The following SLC16A6 variants were observed in gnomAD, a reference collection of about 807,000 sequenced individuals.
SLC16A6 encodes solute carrier family 16 member 6, also known as monocarboxylate transporter 7.
SLC16A6 carries 15 observed loss-of-function variants against 33.8 expected under a neutral mutation model. That is an observed-to-expected ratio of 0.44 (90% CI 0.30 to 0.68). The LOEUF (loss-of-function observed/expected upper bound fraction) is 0.68. Ranked by LOEUF, SLC16A6 falls within the 30% of genes least tolerant of loss-of-function variation. The pLI, the probability that SLC16A6 is intolerant of heterozygous loss-of-function variation, is 0.10. For synonymous variants in SLC16A6, 219 were observed against 248.4 expected (o/e 0.88, Z 1.11); for missense variants, 451 against 661.5 (o/e 0.68, Z 3.49).
In SLC16A6 at chr17:68,286,168, C is replaced by A. The variant is rs927505929; in HGVS notation, c.-8+4918G>T. On this transcript the variant is annotated intron_variant, in intron 1 of 5. Transcript: ENST00000580666. ...TTTTTGTATGAGCTGAGATTACCTGCCATCATGAGAAGGCTCTGTCTGGCC... is the reference window on the plus strand; with the variant it reads ...TTTTTGTATGAGCTGAGATTACCTGACATCATGAGAAGGCTCTGTCTGGCC... Among the ~76,000 whole-genome samples the A allele has an allele frequency of 5.9e-5, 9 of 152,270 alleles. No individual in the cohort carries two copies. The South Asian group carries it at 8.3e-4, about 14-fold the overall frequency.
At chr17:68,284,608 G>C (rs1249604412) in intron 1 of SLC16A6, among the ~76,000 whole-genome samples, 1 of 152,086 alleles carries the variant, frequency 6.6e-6, no homozygotes, top group African/African-American at 2.4e-5. Flanking sequence ...CTATCCAACA[G>C]ACTTGCTGGT....
chr17:68,288,025 CTCAG>C (rs2075882730), intron 1 of SLC16A6, among the ~76,000 whole-genome samples: 1 of 142,426 alleles, frequency 7.0e-6, no homozygotes, highest in Non-Finnish European at 1.5e-5. Context: ...GGGATGGAGT[CTCAG>C]TCTGTCTCCC....
At position 68,270,868 on chromosome 17, in the gene SLC16A6, A is replaced by G. The variant is rs1305647490; in HGVS notation, c.1292T>C (p.Ile431Thr). The G allele has an allele frequency of 3.1e-6, 5 of 1,613,864 alleles. No homozygotes were observed. The African/African-American group carries it at 5.3e-5, about 17-fold the overall frequency. The change falls in exon 5 of 6, where the codon ATA becomes ACA. Residue 431 changes from isoleucine (I) to threonine (T), a missense_variant. Ile to Thr is a moderately conservative substitution (Grantham distance 89, BLOSUM62 -1). Around this residue, in one of 2 missense-constraint regions of SLC16A6, gnomAD observed 46 missense variants for 150.8 expected, o/e 0.31. Transcript: ENST00000580666. ...AAGGGGCGGTCCAGCCAGTCCTGCT[A>G]TGCTCTGAATGAAGATGTAGACCCC... ...AAGVYIFIQS[I>T]AGLAGPPLAG...
At chr17:68,287,621 C>A (rs189369899) in intron 1 of SLC16A6, among the ~76,000 whole-genome samples, 2 of 152,230 alleles carry the variant, frequency 1.3e-5, no homozygotes, top group Admixed American at 6.5e-5. Flanking sequence ...CAGAAGCTTT[C>A]TTTTCTTTTT....
chr17:68,271,024 G>A lies in SLC16A6; in HGVS notation c.1136C>T (p.Ala379Val), dbSNP rs1555748347. The A allele has an allele frequency of 2.5e-6, 4 of 1,614,138 alleles. No homozygotes were observed. The highest frequency in any genetic ancestry group is 3.4e-6 in the Non-Finnish European group (4 of 1,180,044). Residue 379 changes from alanine to valine, a missense_variant, in exon 5 of 6, where the codon GCT becomes GTT. Transcript: ENST00000580666. The surrounding 1 kb of genome is among the most constrained non-coding windows in gnomAD (Gnocchi z 5.3). ...LTVSLFAFTF[A>V]TEFWGLMSCS... ...TGACATTAGACCCCAGAATTCAGTA[G>A]CAAAAGTAAAGGCAAACAGAGACAC...
chr17:68,289,342 T>G (rs2075914043), intron 1 of SLC16A6, among the ~76,000 whole-genome samples: 1 of 152,154 alleles, frequency 6.6e-6, no homozygotes, highest in African/African-American at 2.4e-5. Context: ...AAATCCGCTA[T>G]CCTTGGGAGT....
chr17:68,281,306 C>G (rs1256659505), intron 1 of SLC16A6, among the ~76,000 whole-genome samples: 1 of 152,122 alleles, frequency 6.6e-6, no homozygotes, highest in Admixed American at 6.6e-5. Context: ...CGGTGGCTCA[C>G]GCCTGTAATC....
Position 68,278,068 on chromosome 17 carries a change from TAGGCC to T in SLC16A6, c.232+16_232+20del. 1 of 1,568,582 alleles carries T rather than the reference TAGGCC, an allele frequency of 6.4e-7. No individual in the cohort carries two copies. The highest frequency in any genetic ancestry group is 8.8e-7 in the Non-Finnish European group (1 of 1,139,780). The stretch of plus-strand genomic sequence containing the variant: ...AAGGGCCCTATACTTACGTCATGGT[TAGGCC>T]GAAAGATGTACTAACCTGAAAATGT... On this transcript the variant is annotated intron_variant, in intron 2 of 5. Coordinates refer to ENST00000580666, the MANE Select transcript of SLC16A6 (RefSeq NM_004694.5).
At chr17:68,274,105 C>G in intron 2 of SLC16A6, 35 bp from the exon 3 acceptor site, 1 of 1,601,998 alleles carries the variant, frequency 6.2e-7, no homozygotes, top group Non-Finnish European at 8.5e-7. Flanking sequence ...TTTTAACTCA[C>G]AGAGGCTTCA....
intron 1 of SLC16A6, among the ~76,000 whole-genome samples, chr17:68,288,157 C>T (rs527848452): frequency 7.3e-5 from 11 of 150,636 alleles, no homozygotes; most frequent in African/African-American, 2.2e-4. Context: ...CCACCACGCC[C>T]GGCTGATTTT....
At chr17:68,276,720 C>T (rs1408417750) in intron 2 of SLC16A6, among the ~76,000 whole-genome samples, 1 of 152,202 alleles carries the variant, frequency 6.6e-6, no homozygotes, top group Non-Finnish European at 1.5e-5. Flanking sequence ...TCCCAGAGTG[C>T]TGGGATTACA....
intron 3 of SLC16A6, 110 bp downstream of exon 3, chr17:68,273,817 G>T: frequency 7.4e-7 from 1 of 1,348,944 alleles, no homozygotes; most frequent in Non-Finnish European, 1.0e-6. Flanking sequence ...TAATGTTAAA[G>T]AAAAAAAGAA....
At chr17:68,270,651 T>G (rs2075309133) in intron 5 of SLC16A6, among the ~76,000 whole-genome samples, 188 bp downstream of exon 5, 1 of 152,076 alleles carries the variant, frequency 6.6e-6, no homozygotes, top group African/African-American at 2.4e-5. Flanking sequence ...TAGCTTCAAT[T>G]CTTTGGCCTT....
At chr17:68,272,371 T>A (rs1386437740) in intron 4 of SLC16A6, among the ~76,000 whole-genome samples, 1 of 152,192 alleles carries the variant, frequency 6.6e-6, no homozygotes, top group Non-Finnish European at 1.5e-5. Flanking sequence ...AATTACTAGA[T>A]TATTCTGGAA....
At chr17:68,279,687 C>CATTGAT (rs2075631859) in intron 1 of SLC16A6, among the ~76,000 whole-genome samples, 1 of 152,154 alleles carries the variant, frequency 6.6e-6, no homozygotes, top group Non-Finnish European at 1.5e-5. Context: ...TCTAAGGAGA[C>CATTGAT]ATTGACATTG....
At chr17:68,272,795 T>C (rs1555749491) in intron 3 of SLC16A6, 28 bp from the exon 4 acceptor site, 2 of 1,612,038 alleles carry the variant, frequency 1.2e-6, no homozygotes, top group South Asian at 1.1e-5. Context: ...AAAAAGCCAA[T>C]GAGACCCACA....
chr17:68,269,385 T>TA, intron 5 of SLC16A6, 39 bp from the exon 6 acceptor site: 1 of 1,058,834 alleles, frequency 9.4e-7, no homozygotes, highest in Non-Finnish European at 1.3e-6. Flanking sequence ...GCATCCTTCC[T>TA]AGACATAAGC....
At chr17:68,286,260 C>T (rs2075839993) in intron 1 of SLC16A6, among the ~76,000 whole-genome samples, 1 of 152,198 alleles carries the variant, frequency 6.6e-6, no homozygotes, top group Non-Finnish European at 1.5e-5. Context: ...CAGATGTTTA[C>T]ACTTGCAAAA....
At chr17:68,284,975 T>G (rs1416770193) in intron 1 of SLC16A6, among the ~76,000 whole-genome samples, 2 of 152,194 alleles carry the variant, frequency 1.3e-5, no homozygotes, top group Non-Finnish European at 2.9e-5. Context: ...TATTTATTTT[T>G]GCAACAAAAT....
Sources: allele counts gnomAD v4.1 joint callset (sites outside exome capture counted in the v4.1 genomes callset), GRCh38; gene constraint gnomAD v4.1.1; regional missense constraint gnomAD v4.1.1; non-coding constraint Gnocchi (gnomAD v3.1); transcripts MANE v1.5; gene names NCBI Gene and HGNC (gene_info 2026-07-23, HGNC 2026-07-21).